The following DOK2 variants were observed in gnomAD, a reference collection of about 807,000 sequenced individuals.
The protein encoded by DOK2 is docking protein 2, 56kD.
DOK2 carries 28 observed loss-of-function variants against 26.0 expected under a neutral mutation model. That is an observed-to-expected ratio of 1.08 (90% CI 0.80 to 1.48). The LOEUF is 1.48. Ranked by LOEUF, DOK2 falls within the 40% of genes most tolerant of loss-of-function variation. DOK2 has a pLI of 0.00. For synonymous variants in DOK2, 282 were observed against 236.9 expected (o/e 1.19, Z -1.75); for missense variants, 682 against 558.2 (o/e 1.22, Z -2.23).
chr8:21,913,597 C>T lies in DOK2; in HGVS notation c.5G>A (p.Gly2Glu). Reference protein sequence around the residue: MGDGAVKQGFLY... With the variant: MEDGAVKQGFLY... ...GAAGCCTTGTTTCACTGCCCCGTCT[C>T]CCATCCTCTGACCATCTCGGAGCCC... Residue 2 changes from glycine to glutamate, a missense_variant, in exon 1 of 5, where the codon GGA (glycine) becomes GAA (glutamate). Physicochemically the swap from Gly to Glu is moderately conservative, Grantham distance 98. Coordinates refer to ENST00000276420, the MANE Select transcript of DOK2 (RefSeq NM_003974.4). 3.1e-6 allele frequency: 5 copies of T among 1,614,072 alleles called. No homozygotes were observed. Among genetic ancestry groups the T allele is most frequent in the Non-Finnish European group, 4.2e-6 (5 of 1,180,008 alleles).
At chr8:21,912,767 AG>A (rs1251356575) in intron 1 of DOK2, among the ~76,000 whole-genome samples, 2 of 152,180 alleles carry the variant, frequency 1.3e-5, no homozygotes, top group Admixed American at 1.3e-4. Context: ...CCAGGCAGAA[AG>A]CAACGCCGGG....
In DOK2 at chr8:21,912,000, G is replaced by A. The variant is rs1196567581; in HGVS notation, c.346-12C>T. 2 of 1,546,392 alleles carry A rather than the reference G, an allele frequency of 1.3e-6. No individual in the cohort carries two copies. The highest frequency in any genetic ancestry group is 2.4e-5 in the East Asian group (1 of 41,012). Reference sequence around the variant, plus strand: ...TCCTTCCTCTGCCCCTAGGGAGGAGGCGCCCCGTCTCATCACCTTCCCCGA... The same window carrying A: ...TCCTTCCTCTGCCCCTAGGGAGGAGACGCCCCGTCTCATCACCTTCCCCGA... On this transcript the variant is annotated splice_polypyrimidine_tract_variant and intron_variant, in intron 2 of 4. Coordinates refer to ENST00000276420, the MANE Select transcript of DOK2 (RefSeq NM_003974.4).
chr8:21,913,478 C>A (rs1212521418), intron 1 of DOK2, 61 bp downstream of exon 1: 1 of 1,601,896 alleles, frequency 6.2e-7, no homozygotes, highest in African/African-American at 1.3e-5. Flanking sequence ...CCCTCTCCAA[C>A]CCAGGAATTC....
At chr8:21,913,046 G>C (rs939573365) in intron 1 of DOK2, among the ~76,000 whole-genome samples, 1 of 152,156 alleles carries the variant, frequency 6.6e-6, no homozygotes, top group Non-Finnish European at 1.5e-5. Flanking sequence ...AGGGGACGAG[G>C]ACTTCCTGGT....
At chr8:21,911,059 C>G in intron 3 of DOK2, 1 of 616,918 alleles carries the variant, frequency 1.6e-6, no homozygotes, top group East Asian at 2.8e-5. Context: ...CCTCCACCCC[C>G]TACCCTAGTA....
At chr8:21,911,774 G>T in intron 3 of DOK2, 127 bp downstream of exon 3, 1 of 1,042,698 alleles carries the variant, frequency 9.6e-7, no homozygotes, top group Non-Finnish European at 1.3e-6. Context: ...TAACGGGGCT[G>T]GCCCAGGCTG....
In DOK2 at chr8:21,909,154, A is replaced by G. The variant is rs748887247; in HGVS notation, c.*157T>C. 3.3e-5 allele frequency: 28 copies of G among 843,490 alleles called. No individual in the cohort carries two copies. Among genetic ancestry groups the G allele is most frequent in the Non-Finnish European group, 4.6e-5 (25 of 546,288 alleles). 52.3% of individuals were successfully genotyped at this position (843,490 alleles called of 1,614,324 possible). A position where few individuals can be genotyped will look rare whatever the true frequency, so the allele number is the denominator to read the frequency against. ...CCTTCCTGCTTTGGGATGGTGACTC[A>G]CCCAGCAGGCCCTGGGAGAGGCAAT... On this transcript the variant is annotated 3_prime_UTR_variant, in exon 5 of 5. Coordinates refer to ENST00000276420, the MANE Select transcript of DOK2 (RefSeq NM_003974.4).
Position 21,909,188 on chromosome 8 carries a change from C to T in DOK2, c.*123G>A. 1.6e-6 allele frequency: 2 copies of T among 1,254,464 alleles called. No individual in the cohort carries two copies. The highest frequency in any genetic ancestry group is 2.2e-6 in the Non-Finnish European group (2 of 909,802). The allele number at this position is 1,254,464 out of a possible 1,614,324, so 77.7% of individuals were successfully genotyped here. A position where few individuals can be genotyped will look rare whatever the true frequency, so the allele number is the denominator to read the frequency against. On this transcript the variant is annotated 3_prime_UTR_variant, in exon 5 of 5. Coordinates refer to ENST00000276420, the MANE Select transcript of DOK2 (RefSeq NM_003974.4). Reference sequence around the variant, plus strand: ...GCCCTGGGAGAGGCAATTTATCAGCCCCAACGAAGACAGGCCAGGCCTCGG... The same window carrying T: ...GCCCTGGGAGAGGCAATTTATCAGCTCCAACGAAGACAGGCCAGGCCTCGG...
In DOK2 at chr8:21,910,867, AG is replaced by A. The variant is rs761864096; in HGVS notation, c.434-11del. On this transcript the variant is annotated splice_polypyrimidine_tract_variant and intron_variant, in intron 3 of 4. Coordinates refer to ENST00000276420, the MANE Select transcript of DOK2 (RefSeq NM_003974.4). ...TCCTTGTGGGGGCCGACTGGGGAGA[AG>A]AAGAGAGAGAAGGCGAAGGCAGTTA... 73 of 1,590,852 alleles carry A rather than the reference AG, an allele frequency of 4.6e-5. No homozygotes were observed. Among genetic ancestry groups the A allele is most frequent in the Non-Finnish European group, 6.0e-5 (70 of 1,167,814 alleles).
In DOK2 at chr8:21,910,654, G is replaced by A; in HGVS notation, c.618+19C>T. ...CTTATCCTTTCTCTCAACCTGCCCT[G>A]ATGCAGCTTCCCACTCACCTTGTCC... On this transcript the variant is annotated intron_variant, in intron 4 of 4. Coordinates refer to ENST00000276420, the MANE Select transcript of DOK2 (RefSeq NM_003974.4). 1 of 1,613,378 alleles carries A rather than the reference G, an allele frequency of 6.2e-7. No homozygotes were observed. The highest frequency in any genetic ancestry group is 2.2e-5 in the East Asian group (1 of 44,872).
At position 21,908,916 on chromosome 8, in the gene DOK2, C is replaced by A; in HGVS notation, c.*395G>T. Reference sequence around the variant, plus strand: ...ATGCCACCAAGAAATCTGAAAGGTGCAGGAAGCTGCCGCCATCCCCCTGGG... The same window carrying A: ...ATGCCACCAAGAAATCTGAAAGGTGAAGGAAGCTGCCGCCATCCCCCTGGG... On this transcript the variant is annotated 3_prime_UTR_variant, in exon 5 of 5. Coordinates refer to ENST00000276420, the MANE Select transcript of DOK2 (RefSeq NM_003974.4). 1 of 171,482 alleles carries A rather than the reference C, an allele frequency of 5.8e-6. No homozygotes were observed. The highest frequency in any genetic ancestry group is 1.2e-5 in the Non-Finnish European group (1 of 81,110). The allele number at this position is 171,482 out of a possible 1,614,324, so 10.6% of individuals were successfully genotyped here. A position where few individuals can be genotyped will look rare whatever the true frequency, so the allele number is the denominator to read the frequency against.
intron 3 of DOK2, 44 bp downstream of exon 3, chr8:21,911,857 G>A: frequency 3.3e-6 from 5 of 1,534,388 alleles, no homozygotes; most frequent in East Asian, 2.5e-5. Flanking sequence ...CCTCACCCTG[G>A]GGAGAGCCCC....
At chr8:21,911,636 C>T (rs923508553) in intron 3 of DOK2, among the ~76,000 whole-genome samples, 1 of 152,130 alleles carries the variant, frequency 6.6e-6, no homozygotes, top group Non-Finnish European at 1.5e-5. Context: ...GCACCCTCAC[C>T]TGGGCCCCCA....
rs1809778833 is a variant in DOK2, at chr8:21,910,069, C to T, written c.619-138G>A. 4.9e-6 allele frequency: 5 copies of T among 1,017,666 alleles called. No homozygotes were observed. The Admixed American group carries it at 1.4e-4, about 29-fold the overall frequency. The allele number at this position is 1,017,666 out of a possible 1,614,324, so 63.0% of individuals were successfully genotyped here. A position where few individuals can be genotyped will look rare whatever the true frequency, so the allele number is the denominator to read the frequency against. ...CAATCTCAGCTCACTGCAACCTCCG[C>T]CTCCCAGGTTCAAGCGATTCTCCTG... On this transcript the variant is annotated intron_variant, in intron 4 of 4. Transcript: ENST00000276420.
Position 21,912,383 on chromosome 8 carries a change from TCACTGAGG to T in DOK2, c.183_190del (p.Ser63ProfsTer72). ...GCCGGCCTCGGCCACCCGCAGGCAG[TCACTGAGG>T]CGGATGACCTTCCGGGCAGCCTCAC... On this transcript the variant is annotated frameshift_variant, in exon 2 of 5. Transcript: ENST00000276420. LOFTEE classifies it high-confidence loss of function. 1 of 1,602,798 alleles carries T rather than the reference TCACTGAGG, an allele frequency of 6.2e-7. No homozygotes were observed. The highest frequency in any genetic ancestry group is 1.1e-5 in the South Asian group (1 of 89,322).
chr8:21,913,150 A>G (rs766370790), intron 1 of DOK2, among the ~76,000 whole-genome samples: 7 of 152,002 alleles, frequency 4.6e-5, no homozygotes, highest in Non-Finnish European at 1.0e-4. Flanking sequence ...AGCCACATGC[A>G]CCCCACTGGG....
intron 4 of DOK2, 76 bp from the exon 5 acceptor site, chr8:21,910,007 G>A: frequency 7.0e-7 from 1 of 1,424,566 alleles, no homozygotes; most frequent in South Asian, 1.4e-5. Flanking sequence ...TTTGGAGACA[G>A]AGTCTCACTG....
Position 21,912,244 on chromosome 8 carries a change from G to T in DOK2, c.330C>A (p.Cys110Ter). The T allele has an allele frequency of 6.4e-7, 1 of 1,567,264 alleles. No homozygotes were observed. Reference sequence around the variant, plus strand: ...CGCGACTCACGGGGAAGGCCAGGAGGCAGATGGCCTGCACCCAGTCGCCGC... The same window carrying T: ...CGCGACTCACGGGGAAGGCCAGGAGTCAGATGGCCTGCACCCAGTCGCCGC... Reference protein sequence around the residue: ...AERGDWVQAICLLAFPGQRKE... With the variant: ...AERGDWVQAI Residue 110 changes from cysteine (C) to a stop codon, truncating the protein, a stop_gained, in exon 2 of 5, where the codon TGC becomes TGA. Transcript: ENST00000276420. LOFTEE classifies it high-confidence loss of function.
At chr8:21,912,977 C>T (rs1430547702) in intron 1 of DOK2, among the ~76,000 whole-genome samples, 1 of 152,178 alleles carries the variant, frequency 6.6e-6, no homozygotes, top group Non-Finnish European at 1.5e-5. Flanking sequence ...ACCTTGCTGC[C>T]TCATTCCTTG....
Sources: gnomAD v4.1 joint callset for allele counts (sites outside exome capture counted in the v4.1 genomes callset) on GRCh38, gnomAD v4.1.1 for gene constraint, MANE v1.5 for transcripts, NCBI Gene and HGNC (gene_info 2026-07-23, HGNC 2026-07-21) for gene names.